FOXP2: variants seen among roughly 807,000 people sequenced by gnomAD.
FOXP2 encodes forkhead box protein P2.
Under a neutral mutation model 115.8 loss-of-function variants are expected in FOXP2, and 12 were observed. That is an observed-to-expected ratio of 0.10 (90% CI 0.07 to 0.17). The LOEUF is 0.17. Among genes scored for constraint, FOXP2 ranks in the 10% least tolerant of loss-of-function variants. FOXP2 has a pLI of 1.00. For synonymous variants in FOXP2, 328 were observed against 297.7 expected (o/e 1.10, Z -1.05); for missense variants, 629 against 843.5 (o/e 0.75, Z 3.15).
chr7:114,362,098 G>A (rs1327184271), intron 2 of FOXP2, among the ~76,000 whole-genome samples: 1 of 151,946 alleles, frequency 6.6e-6, no homozygotes, highest in Non-Finnish European at 1.5e-5. Context: ...GAGTGGAACA[G>A]TAGTGTTTAA....
chr7:114,196,611 G>C (rs1793915652), intron 1 of FOXP2, among the ~76,000 whole-genome samples: 1 of 152,146 alleles, frequency 6.6e-6, no homozygotes, highest in African/African-American at 2.4e-5. Context: ...TTATCAAGTT[G>C]TGTCAGTCAT....
chr7:114,446,724 G>C (rs1287277509), intron 2 of FOXP2, among the ~76,000 whole-genome samples: 1 of 150,770 alleles, frequency 6.6e-6, no homozygotes, highest in East Asian at 1.9e-4. Context: ...CAATGTTTTT[G>C]GTTTATCTCT....
chr7:114,405,973 T>C (rs1423887025), intron 2 of FOXP2, among the ~76,000 whole-genome samples: 4 of 152,012 alleles, frequency 2.6e-5, no homozygotes, highest in South Asian at 2.1e-4. Context: ...ATAGAATTTG[T>C]AGTTGAAAAA....
chr7:114,438,456 A>G (rs1794450259), intron 2 of FOXP2, among the ~76,000 whole-genome samples: 1 of 152,070 alleles, frequency 6.6e-6, no homozygotes, highest in Non-Finnish European at 1.5e-5. Context: ...ACAGAAGAAA[A>G]CCCATATGCC....
intron 2 of FOXP2, among the ~76,000 whole-genome samples, chr7:114,321,000 T>C (rs796589531): frequency 3.9e-4 from 60 of 152,264 alleles, no homozygotes; most frequent in African/African-American, 1.4e-3. Flanking sequence ...TAATTTGCTT[T>C]GGATTATTTC....
chr7:114,412,259 G>T (rs759880663), upstream of FOXP2, among the ~76,000 whole-genome samples: 4 of 152,028 alleles, frequency 2.6e-5, no homozygotes, highest in Admixed American at 6.6e-5. Flanking sequence ...CTGCCATAGG[G>T]TTATAAAATG....
At chr7:114,462,483 T>G (rs914308701) in intron 2 of FOXP2, among the ~76,000 whole-genome samples, 8 of 148,102 alleles carry the variant, frequency 5.4e-5, no homozygotes, top group African/African-American at 1.7e-4. Flanking sequence ...GCGATTCTCC[T>G]GCCTCAGCCT....
At chr7:114,392,869 C>T (rs971809737) in intron 2 of FOXP2, among the ~76,000 whole-genome samples, 4 of 152,158 alleles carry the variant, frequency 2.6e-5, no homozygotes, top group Non-Finnish European at 5.9e-5. Flanking sequence ...TCATTCCATG[C>T]CCATTTCTGA....
At chr7:114,603,019 C>T (rs1372955798) in intron 3 of FOXP2, among the ~76,000 whole-genome samples, 2 of 152,090 alleles carry the variant, frequency 1.3e-5, no homozygotes, top group Non-Finnish European at 2.9e-5. Flanking sequence ...CAATCATATT[C>T]TGGTGTCACT....
intron 2 of FOXP2, among the ~76,000 whole-genome samples, chr7:114,353,332 CTCTTTT>C (rs1158395300): frequency 8.2e-6 from 1 of 121,892 alleles, no homozygotes; most frequent in Non-Finnish European, 1.7e-5. Flanking sequence ...GTATAGGAGC[CTCTTTT>C]TTTTTTTTTT....
chr7:114,634,291 C>T (rs1037266165), intron 6 of FOXP2, among the ~76,000 whole-genome samples: 24 of 152,032 alleles, frequency 1.6e-4, no homozygotes, highest in Admixed American at 1.4e-3. Context: ...CCACTGTGCT[C>T]GACCTAAAAC....
chr7:114,137,529 G>A (rs1792071799), intron 1 of FOXP2, among the ~76,000 whole-genome samples: 1 of 152,090 alleles, frequency 6.6e-6, no homozygotes, highest in Non-Finnish European at 1.5e-5. Flanking sequence ...ATCACTGTAG[G>A]ACACATAGCA....
chr7:114,586,808 GGTT>G (rs543482331), intron 3 of FOXP2, among the ~76,000 whole-genome samples: 3 of 151,696 alleles, frequency 2.0e-5, no homozygotes, highest in African/African-American at 4.8e-5. Context: ...CCAAACAGTA[GGTT>G]TTTTTCCTAA....
At chr7:114,246,786 T>G (rs1179789394) in intron 1 of FOXP2, among the ~76,000 whole-genome samples, 1 of 152,138 alleles carries the variant, frequency 6.6e-6, no homozygotes, top group Non-Finnish European at 1.5e-5. Flanking sequence ...CCTTGTTGAG[T>G]CAATTGTCTT....
At chr7:114,336,012 T>C (rs760090626) in intron 2 of FOXP2, among the ~76,000 whole-genome samples, 1 of 151,790 alleles carries the variant, frequency 6.6e-6, no homozygotes, top group Admixed American at 6.6e-5. Flanking sequence ...ATAGTGGATA[T>C]AGATACATCT....
chr7:114,485,287 A>G (rs1363445539), intron 2 of FOXP2, among the ~76,000 whole-genome samples: 1 of 151,982 alleles, frequency 6.6e-6, no homozygotes, highest in Non-Finnish European at 1.5e-5. Flanking sequence ...CTAATTCTCA[A>G]CCTGAATAAT....
At chr7:114,407,110 T>G (rs1237182235) in intron 2 of FOXP2, among the ~76,000 whole-genome samples, 2 of 151,968 alleles carry the variant, frequency 1.3e-5, no homozygotes, top group African/African-American at 4.8e-5. Flanking sequence ...TTACATTATA[T>G]GCAAATTTTG....
At chr7:114,395,617 G>T (rs947714065) in intron 2 of FOXP2, among the ~76,000 whole-genome samples, 16 of 152,068 alleles carry the variant, frequency 1.1e-4, no homozygotes, top group Non-Finnish European at 1.5e-5. Flanking sequence ...AGAAGTCAAT[G>T]AGATTTTATT....
intron 2 of FOXP2, among the ~76,000 whole-genome samples, chr7:114,403,620 G>A (rs1029658372): frequency 1.3e-5 from 2 of 152,102 alleles, no homozygotes; most frequent in Non-Finnish European, 2.9e-5. Context: ...CTATGCTAGT[G>A]ATACAAGGAT....
Sources: allele counts gnomAD v4.1 joint callset (sites outside exome capture counted in the v4.1 genomes callset), GRCh38; gene constraint gnomAD v4.1.1; transcripts MANE v1.5; gene names NCBI Gene and HGNC (gene_info 2026-07-23, HGNC 2026-07-21).